LSAMP: variants seen among roughly 807,000 people sequenced by gnomAD.
LSAMP encodes limbic system associated membrane protein, also known as limbic system-associated membrane protein.
Under a neutral mutation model 38.6 loss-of-function variants are expected in LSAMP, and 7 were observed. The ratio of observed to expected loss-of-function variants is 0.18; its 90% CI spans 0.10 to 0.34. LSAMP has a LOEUF of 0.34. Among genes scored for constraint, LSAMP ranks in the 10% least tolerant of loss-of-function variants. LSAMP has a pLI of 1.00. For missense variants in LSAMP, 313 were observed against 420.0 expected (o/e 0.75, Z 2.23); for synonymous variants, 154 against 166.8 (o/e 0.92, Z 0.59).
In LSAMP at chr3:116,313,595, G is replaced by T. The variant is rs371346605; in HGVS notation, c.155+131282C>A. Among the ~76,000 whole-genome samples the T allele has an allele frequency of 4.6e-5, 7 of 152,202 alleles. No homozygotes were observed. In the East Asian group the frequency reaches 5.8e-4, roughly 13 times the overall value. ...AGTCATGTGCCTTAGAAAGGTCAAG[G>T]TTGGTTCATAGGCCTCTTAGAGCAA... On this transcript the variant is annotated intron_variant, in intron 1 of 6. Transcript: ENST00000490035.
At chr3:116,333,097 A>T (rs952702329) in intron 1 of LSAMP, among the ~76,000 whole-genome samples, 6 of 152,174 alleles carry the variant, frequency 3.9e-5, no homozygotes, top group Admixed American at 3.3e-4. Flanking sequence ...ATAAGTAAGA[A>T]AATATAGGAC....
intron 1 of LSAMP, among the ~76,000 whole-genome samples, chr3:116,307,295 T>C (rs1323586428): frequency 6.6e-6 from 1 of 151,972 alleles, no homozygotes; most frequent in East Asian, 1.9e-4. Flanking sequence ...GGGTTTGTAA[T>C]AACATTTTCA....
intron 2 of LSAMP, among the ~76,000 whole-genome samples, chr3:116,031,313 A>G (rs1446495122): frequency 1.3e-5 from 2 of 152,194 alleles, no homozygotes; most frequent in East Asian, 3.9e-4. Context: ...TAAAACAATA[A>G]CAATTATGAC....
At chr3:116,435,141 A>T (rs541279424) in intron 1 of LSAMP, among the ~76,000 whole-genome samples, 6 of 152,340 alleles carry the variant, frequency 3.9e-5, no homozygotes, top group Non-Finnish European at 8.8e-5. Flanking sequence ...TTTAAAAGAT[A>T]GAGCTCCGTG....
At chr3:115,860,819 A>G (rs1935655505) in intron 3 of LSAMP, among the ~76,000 whole-genome samples, 1 of 152,068 alleles carries the variant, frequency 6.6e-6, no homozygotes, top group Non-Finnish European at 1.5e-5. Flanking sequence ...GTGGAGAAAA[A>G]ATTAGGGCTG....
chr3:116,079,743 G>T (rs1379145733), intron 2 of LSAMP, among the ~76,000 whole-genome samples: 1 of 151,254 alleles, frequency 6.6e-6, no homozygotes, highest in Non-Finnish European at 1.5e-5. Context: ...GACAACCCAT[G>T]TCATACAGAA....
At chr3:116,039,842 G>C (rs899808895) in intron 2 of LSAMP, among the ~76,000 whole-genome samples, 3 of 152,188 alleles carry the variant, frequency 2.0e-5, no homozygotes, top group African/African-American at 7.2e-5. Context: ...CTGGAGGCAA[G>C]TTTGGCAATT....
At chr3:116,222,198 T>G (rs1320863831) in intron 1 of LSAMP, among the ~76,000 whole-genome samples, 1 of 151,764 alleles carries the variant, frequency 6.6e-6, no homozygotes, top group Non-Finnish European at 1.5e-5. Context: ...TCTTCATGTG[T>G]AAAAGGAGGG....
intron 1 of LSAMP, among the ~76,000 whole-genome samples, chr3:116,108,674 C>T (rs1708526230): frequency 6.6e-6 from 1 of 152,188 alleles, no homozygotes; most frequent in South Asian, 2.1e-4. Context: ...GTGAGTTGAA[C>T]AGTCCGATTT....
At chr3:115,835,818 A>G (rs1214259720) in intron 6 of LSAMP, among the ~76,000 whole-genome samples, 1 of 152,194 alleles carries the variant, frequency 6.6e-6, no homozygotes, top group Non-Finnish European at 1.5e-5. Context: ...TAAGTCCATT[A>G]AGATGGAGCA....
chr3:115,872,959 A>G (rs1217556189), intron 3 of LSAMP, among the ~76,000 whole-genome samples: 2 of 152,212 alleles, frequency 1.3e-5, no homozygotes, highest in Non-Finnish European at 2.9e-5. Flanking sequence ...TGAAACATAT[A>G]TGATACATAC....
intron 1 of LSAMP, among the ~76,000 whole-genome samples, chr3:116,265,957 G>GT (rs11391588): frequency 0.56 from 83,925 of 150,870 alleles, 28,023 homozygotes; most frequent in South Asian, 0.76. Flanking sequence ...AAGTTGTGGG[G>GT]TTTTTTTTTC....
chr3:116,135,116 A>T (rs1709219407), intron 1 of LSAMP, among the ~76,000 whole-genome samples: 1 of 152,158 alleles, frequency 6.6e-6, no homozygotes, highest in African/African-American at 2.4e-5. Flanking sequence ...TAGGGAACTA[A>T]AACTCAGGAA....
At chr3:116,157,900 A>G (rs1559763532) in intron 1 of LSAMP, among the ~76,000 whole-genome samples, 1 of 152,044 alleles carries the variant, frequency 6.6e-6, no homozygotes, top group Admixed American at 6.6e-5. Context: ...GAGACACAAT[A>G]AAAAAAGAAA....
At chr3:116,058,690 A>G (rs1335738150) in intron 2 of LSAMP, among the ~76,000 whole-genome samples, 2 of 152,164 alleles carry the variant, frequency 1.3e-5, no homozygotes, top group African/African-American at 2.4e-5. Context: ...TATGCTGCAT[A>G]AAAGTTAAGA....
chr3:116,061,744 T>G (rs1158308016), intron 2 of LSAMP, among the ~76,000 whole-genome samples: 1 of 152,240 alleles, frequency 6.6e-6, no homozygotes, highest in African/African-American at 2.4e-5. Context: ...GGGACAGTTT[T>G]TGTTTTTTTG....
In LSAMP at chr3:116,036,318, A is replaced by G. The variant is rs78008133; in HGVS notation, c.389-16678T>C. 3.5e-3 allele frequency among the ~76,000 whole-genome samples: 530 copies of G among 152,278 alleles called. 3 individuals are homozygous for G. Among genetic ancestry groups the G allele is most frequent in the African/African-American group, 0.012 (497 of 41,566 alleles). ...ATGGAGACTTTGGATGTTAATGAGT[A>G]CACAATTAATCCTCCAGTCTACTCA... is the stretch of plus-strand genomic sequence containing the variant. On this transcript the variant is annotated intron_variant, in intron 2 of 6. Transcript: ENST00000490035.
intron 1 of LSAMP, among the ~76,000 whole-genome samples, chr3:116,300,586 C>T (rs938198994): frequency 4.6e-5 from 7 of 152,134 alleles, no homozygotes; most frequent in Admixed American, 3.9e-4. Flanking sequence ...CTCATAGGAG[C>T]GTGAACCCTT....
chr3:115,926,166 C>T (rs569168249), intron 3 of LSAMP, among the ~76,000 whole-genome samples: 5 of 152,260 alleles, frequency 3.3e-5, no homozygotes, highest in African/African-American at 1.2e-4. Context: ...TAAAGGGAAC[C>T]TCTGTCTTAA....
Sources: gnomAD v4.1 joint callset for allele counts (sites outside exome capture counted in the v4.1 genomes callset) on GRCh38, gnomAD v4.1.1 for gene constraint, MANE v1.5 for transcripts, NCBI Gene and HGNC (gene_info 2026-07-23, HGNC 2026-07-21) for gene names.